MTUS2: variants seen among roughly 807,000 people sequenced by gnomAD.
The protein encoded by MTUS2 is microtubule associated scaffold protein 2.
MTUS2 carries 40 observed loss-of-function variants against 114.1 expected under a neutral mutation model. That is an observed-to-expected ratio of 0.35 (90% CI 0.27 to 0.46). The LOEUF (loss-of-function observed/expected upper bound fraction) is 0.46, where lower values mean the gene tolerates loss of function less well. MTUS2 is among the 20% of genes least tolerant of loss of function. The pLI is 1.00. For missense variants in MTUS2, 1,679 were observed against 1,705.4 expected (o/e 0.98, Z 0.27); for synonymous variants, 688 against 672.0 (o/e 1.02, Z -0.37).
chr13:29,278,554 G>C (rs1898151772), intron 5 of MTUS2, among the ~76,000 whole-genome samples: 1 of 152,100 alleles, frequency 6.6e-6, no homozygotes, highest in East Asian at 1.9e-4. Flanking sequence ...CTGTCAGAAA[G>C]GTATAAATTA....
At chr13:29,444,734 GGGC>G (rs143143849) in intron 9 of MTUS2, among the ~76,000 whole-genome samples, 2,930 of 152,348 alleles carry the variant, frequency 0.019, 39 homozygotes, top group Non-Finnish European at 0.028. Flanking sequence ...GGGGGGCCCT[GGGC>G]AGCAAGGCAG....
chr13:29,395,175 G>GT (rs1873816921), intron 8 of MTUS2, among the ~76,000 whole-genome samples: 1 of 152,254 alleles, frequency 6.6e-6, no homozygotes, highest in African/African-American at 2.4e-5. Flanking sequence ...CAAAGAGTCT[G>GT]TTTTTCCAGT....
chr13:29,485,943 C>CG (rs1192122119), intron 10 of MTUS2, among the ~76,000 whole-genome samples: 1 of 141,314 alleles, frequency 7.1e-6, no homozygotes, highest in Admixed American at 7.1e-5. Flanking sequence ...GCGGGGGAAG[C>CG]GGGGGCCTGT....
At chr13:28,910,435 A>G (rs1231157656) in intron 2 of MTUS2, among the ~76,000 whole-genome samples, 4 of 151,974 alleles carry the variant, frequency 2.6e-5, no homozygotes, top group African/African-American at 9.7e-5. Flanking sequence ...GGTTTGTTAC[A>G]TAGGTAAACG....
chr13:29,491,384 G>A (rs1270259150), intron 11 of MTUS2, among the ~76,000 whole-genome samples: 3 of 150,656 alleles, frequency 2.0e-5, no homozygotes, highest in Non-Finnish European at 4.4e-5. Context: ...GTATATATGT[G>A]TGTGGTGTGT....
chr13:29,183,757 A>AT (rs1894104426), intron 5 of MTUS2, among the ~76,000 whole-genome samples: 2 of 152,224 alleles, frequency 1.3e-5, no homozygotes, highest in Non-Finnish European at 2.9e-5. Context: ...AAATTACTTA[A>AT]AAAGTGATCG....
chr13:29,505,749 G>GC lies in MTUS2; in HGVS notation c.*2549dup, dbSNP rs567062574. On this transcript the variant is annotated 3_prime_UTR_variant, in exon 16 of 16. Coordinates refer to ENST00000612955, the MANE Select transcript of MTUS2 (RefSeq NM_001033602.4). ...CATTTGGGAGATGCGTGGGCGGCCTGCCCCCCGACCGCCGCCCCTGCCCAC... is the reference window on the plus strand; with the variant it reads ...CATTTGGGAGATGCGTGGGCGGCCTGCCCCCCCGACCGCCGCCCCTGCCCAC... The GC allele has an allele frequency of 2.5e-3, 583 of 229,024 alleles. No individual in the cohort carries two copies. Among genetic ancestry groups the GC allele is most frequent in the Admixed American group, 7.8e-3 (138 of 17,644 alleles). 14.2% of individuals were successfully genotyped at this position (229,024 alleles called of 1,614,324 possible).
chr13:28,997,676 GTTTAAAGTCTGT>G (rs1484933957), intron 2 of MTUS2, among the ~76,000 whole-genome samples: 12 of 151,916 alleles, frequency 7.9e-5, no homozygotes, highest in African/African-American at 2.9e-4. Flanking sequence ...ATCTTTGTTG[GTTTAAAGTCTGT>G]TTTATCAGAG....
intron 4 of MTUS2, among the ~76,000 whole-genome samples, chr13:29,041,031 T>C (rs111741327): frequency 0.047 from 7,140 of 152,318 alleles, 221 homozygotes; most frequent in Non-Finnish European, 0.073. Context: ...AATCCTTGCC[T>C]ACGATAATGT....
At chr13:29,493,243 G>C (rs943201728) in intron 12 of MTUS2, among the ~76,000 whole-genome samples, 2 of 152,194 alleles carry the variant, frequency 1.3e-5, no homozygotes, top group African/African-American at 2.4e-5. Flanking sequence ...CAGAGGAGCT[G>C]CCTGGTGTCC....
intron 5 of MTUS2, among the ~76,000 whole-genome samples, chr13:29,149,816 A>G (rs970749845): frequency 6.6e-6 from 1 of 152,094 alleles, no homozygotes; most frequent in Non-Finnish European, 1.5e-5. Flanking sequence ...CAAAGATCAG[A>G]TGGTTGTAGG....
At chr13:29,316,303 G>A (rs1899986389) in intron 6 of MTUS2, among the ~76,000 whole-genome samples, 1 of 151,356 alleles carries the variant, frequency 6.6e-6, no homozygotes, top group Non-Finnish European at 1.5e-5. Context: ...GAGAGATTGA[G>A]GACAAAGGTA....
In MTUS2 at chr13:29,026,837, G is replaced by A. The variant is rs1222271323; in HGVS notation, c.2139G>A (p.Leu713=). ...LQKPRVFSSG[L]MVSGIKPPGH... is the part of the protein sequence containing the mutation. Reference sequence around the variant, plus strand: ...AGCCAAGGGTCTTCAGTTCCGGATTGATGGTGTCTGGAATCAAGCCCCCGG... The same window carrying A: ...AGCCAAGGGTCTTCAGTTCCGGATTAATGGTGTCTGGAATCAAGCCCCCGG... The change falls in exon 3 of 16, where the codon TTG becomes TTA. Residue 713 remains leucine (L), a synonymous_variant. Coordinates refer to ENST00000612955, the MANE Select transcript of MTUS2 (RefSeq NM_001033602.4). 3 of 1,608,936 alleles carry A rather than the reference G, an allele frequency of 1.9e-6. No homozygotes were observed. Among genetic ancestry groups the A allele is most frequent in the Non-Finnish European group, 2.5e-6 (3 of 1,179,820 alleles).
chr13:29,343,063 G>C, intron 7 of MTUS2, among the ~76,000 whole-genome samples: 1 of 146,020 alleles, frequency 6.8e-6, no homozygotes, highest in Middle Eastern at 3.3e-3. Context: ...CCATTAACTA[G>C]TATTTTGTTG....
At chr13:29,376,065 ATATTTATT>A (rs1045153086) in intron 8 of MTUS2, among the ~76,000 whole-genome samples, 1 of 151,816 alleles carries the variant, frequency 6.6e-6, no homozygotes, top group African/African-American at 2.4e-5. Context: ...GTGTGTATAT[ATATTTATT>A]TATTTATTTA....
At chr13:29,176,031 A>G (rs943358111) in intron 5 of MTUS2, among the ~76,000 whole-genome samples, 2 of 151,836 alleles carry the variant, frequency 1.3e-5, no homozygotes, top group East Asian at 1.9e-4. Flanking sequence ...CATTCTTTCT[A>G]TAGATAAATT....
chr13:28,893,335 G>A (rs375298435), intron 2 of MTUS2, among the ~76,000 whole-genome samples: 1 of 151,900 alleles, frequency 6.6e-6, no homozygotes, highest in Non-Finnish European at 1.5e-5. Context: ...GGCACATGGT[G>A]CTTTGACGAG....
intron 8 of MTUS2, among the ~76,000 whole-genome samples, chr13:29,361,707 G>A (rs1395698988): frequency 6.6e-6 from 1 of 152,182 alleles, no homozygotes; most frequent in African/African-American, 2.4e-5. Flanking sequence ...TGTCACCCTT[G>A]TGAGAAACCC....
chr13:29,350,888 G>T (rs1272566940), intron 7 of MTUS2, among the ~76,000 whole-genome samples: 12 of 150,528 alleles, frequency 8.0e-5, no homozygotes, highest in Middle Eastern at 3.4e-3. Flanking sequence ...CCCCACTCTT[G>T]GGACCTAATC....
Sources: allele counts gnomAD v4.1 joint callset (sites outside exome capture counted in the v4.1 genomes callset), GRCh38; gene constraint gnomAD v4.1.1; transcripts MANE v1.5; gene names NCBI Gene and HGNC (gene_info 2026-07-23, HGNC 2026-07-21).